SIK2: variants seen among roughly 807,000 people sequenced by gnomAD.
The protein encoded by SIK2 is salt inducible kinase 2.
A neutral mutation model predicts 103.2 loss-of-function variants in SIK2; 29 were observed. The ratio of observed to expected loss-of-function variants is 0.28; its 90% CI spans 0.21 to 0.38. The LOEUF (loss-of-function observed/expected upper bound fraction) is 0.38, where lower values mean the gene tolerates loss of function less well. Ranked by LOEUF, SIK2 falls within the 10% of genes least tolerant of loss-of-function variation. The pLI is 1.00. For synonymous variants in SIK2, 412 were observed against 446.1 expected, an observed-to-expected ratio of 0.92 and a Z score of 0.96; for missense variants, 879 against 1,171.0, an observed-to-expected ratio of 0.75 and a Z score of 3.64.
chr11:111,634,896 G>T (rs1248050295), intron 3 of SIK2, among the ~76,000 whole-genome samples: 4 of 152,220 alleles, frequency 2.6e-5, no homozygotes, highest in African/African-American at 9.6e-5. Flanking sequence ...AACATAGAAA[G>T]ATATTAAATT....
intron 3 of SIK2, among the ~76,000 whole-genome samples, chr11:111,637,997 A>G (rs1381042180): frequency 6.6e-6 from 1 of 152,248 alleles, no homozygotes; most frequent in Non-Finnish European, 1.5e-5. Context: ...CAGGGAACCA[A>G]GAAGCTAATT....
chr11:111,697,876 G>A (rs1943115288), intron 4 of SIK2, among the ~76,000 whole-genome samples: 1 of 152,138 alleles, frequency 6.6e-6, no homozygotes, highest in Non-Finnish European at 1.5e-5. Context: ...CAGGCATGGT[G>A]GCGTGAGTCT....
In SIK2 at chr11:111,722,786, G is replaced by C. The variant is rs1352961573; in HGVS notation, c.2147+30G>C. The C allele has an allele frequency of 1.9e-6, 3 of 1,603,074 alleles. No individual in the cohort carries two copies. The South Asian group carries it at 3.3e-5, about 18-fold the overall frequency. On this transcript the variant is annotated intron_variant, in intron 14 of 14. Transcript: ENST00000304987. The surrounding 1 kb of genome is among the most constrained non-coding windows in gnomAD (Gnocchi z 4.4). ...GAAGGGGACTTTGGCCAAAGAAGTTGCTTCCTTTTCTGGAAGCCTTGAGAA... is the reference window on the plus strand; with the variant it reads ...GAAGGGGACTTTGGCCAAAGAAGTTCCTTCCTTTTCTGGAAGCCTTGAGAA...
intron 3 of SIK2, among the ~76,000 whole-genome samples, chr11:111,657,930 A>T (rs1942414281): frequency 6.6e-6 from 1 of 152,180 alleles, no homozygotes; most frequent in South Asian, 2.1e-4. Context: ...ACTATACGTC[A>T]TGCAGGTTCA....
intron 3 of SIK2, among the ~76,000 whole-genome samples, chr11:111,633,956 A>G (rs572721334): frequency 4.4e-4 from 67 of 152,308 alleles, no homozygotes; most frequent in African/African-American, 1.4e-3. Flanking sequence ...CACTATTCCT[A>G]CATTCTTTAG....
At chr11:111,663,742 G>A (rs1018510351) in intron 3 of SIK2, among the ~76,000 whole-genome samples, 1 of 152,150 alleles carries the variant, frequency 6.6e-6, no homozygotes, top group Admixed American at 6.5e-5. Context: ...GTGGTAGGAA[G>A]CAAGAGCTTC....
At chr11:111,640,722 A>ACTATTTTTT (rs1942169825) in intron 3 of SIK2, among the ~76,000 whole-genome samples, 1 of 65,908 alleles carries the variant, frequency 1.5e-5, no homozygotes. Flanking sequence ...GAAACAGGCA[A>ACTATTTTTT]TTTTTTTTTT....
intron 3 of SIK2, among the ~76,000 whole-genome samples, chr11:111,620,613 A>G (rs1158309736): frequency 6.6e-6 from 1 of 152,148 alleles, no homozygotes; most frequent in Non-Finnish European, 1.5e-5. Flanking sequence ...TGTCATCTCT[A>G]TTAGAGACTG....
At chr11:111,630,440 C>CT in intron 3 of SIK2, among the ~76,000 whole-genome samples, 1 of 152,046 alleles carries the variant, frequency 6.6e-6, no homozygotes, top group Non-Finnish European at 1.5e-5. Flanking sequence ...AGTTAACCAT[C>CT]TAAGAGTTTG....
intron 3 of SIK2, among the ~76,000 whole-genome samples, chr11:111,655,880 T>C (rs1226046028): frequency 6.6e-6 from 1 of 152,052 alleles, no homozygotes; most frequent in Non-Finnish European, 1.5e-5. Context: ...ACTCTATCAA[T>C]GTTTATTAAG....
intron 4 of SIK2, among the ~76,000 whole-genome samples, chr11:111,693,947 G>A (rs570074336): frequency 5.5e-4 from 84 of 152,288 alleles, no homozygotes; most frequent in Non-Finnish European, 1.1e-3. Flanking sequence ...CCTTGACCAC[G>A]TTTCCTGACT....
chr11:111,713,835 C>T (rs1447013248), intron 9 of SIK2, among the ~76,000 whole-genome samples: 4 of 151,982 alleles, frequency 2.6e-5, no homozygotes, highest in Admixed American at 6.6e-5. Flanking sequence ...GGGGAGGTTG[C>T]GGGCGCCTGT....
rs1262467047 is a variant in SIK2 at position 111,730,127 on chromosome 11, C to A, written c.*5998C>A. ...ACTTTTAGGATTAAAAAAGTAATAA[C>A]AGACTTTGACTTAATACTCTGTCTT... On this transcript the variant is annotated 3_prime_UTR_variant, in exon 15 of 15. Coordinates refer to ENST00000304987, the MANE Select transcript of SIK2 (RefSeq NM_015191.3). The A allele has an allele frequency of 4.6e-5, 7 of 152,190 alleles. No homozygotes were observed. Among genetic ancestry groups the A allele is most frequent in the African/African-American group, 1.7e-4 (7 of 41,440 alleles). The allele number at this position is 152,190 out of a possible 1,614,324, so 9.4% of individuals were successfully genotyped here.
intron 1 of SIK2, among the ~76,000 whole-genome samples, chr11:111,615,096 G>C (rs1157744648): frequency 6.6e-6 from 1 of 151,290 alleles, no homozygotes; most frequent in Non-Finnish European, 1.5e-5. Context: ...CCAAGATCGT[G>C]CCACTGCACT....
chr11:111,720,960 G>C lies in SIK2; in HGVS notation c.1842G>C (p.Leu614Phe), dbSNP rs908337018. The change falls in exon 12 of 15, where the codon TTG (leucine) becomes TTC (phenylalanine). Residue 614 changes from leucine to phenylalanine, a missense_variant. Leu to Phe is a conservative substitution (Grantham distance 22). This residue lies in a region of SIK2 where 375 missense variants were observed against 416.3 expected (regional missense o/e 0.90). Coordinates refer to ENST00000304987, the MANE Select transcript of SIK2 (RefSeq NM_015191.3). Reference protein sequence around the residue: ...NLARTKGILELNKVQLLYEQI... With the variant: ...NLARTKGILEFNKVQLLYEQI... Reference sequence around the variant, plus strand: ...CTAGAACCAAAGGAATTCTAGAGTTGAACAAAGTGCAGTTGTTGTATGAAC... The same window carrying C: ...CTAGAACCAAAGGAATTCTAGAGTTCAACAAAGTGCAGTTGTTGTATGAAC... 6.8e-6 allele frequency: 11 copies of C among 1,614,138 alleles called. No individual in the cohort carries two copies. Among genetic ancestry groups the C allele is most frequent in the Non-Finnish European group, 9.3e-6 (11 of 1,180,028 alleles).
rs1944159112 is a variant in SIK2, at chr11:111,730,638, T to C, written c.*6509T>C. 6.6e-6 allele frequency: 1 copy of C among 152,148 alleles called. No homozygotes were observed. The highest frequency in any genetic ancestry group is 6.5e-5 in the Admixed American group (1 of 15,278). The allele number at this position is 152,148 out of a possible 1,614,324, so 9.4% of individuals were successfully genotyped here. A position where few individuals can be genotyped will look rare whatever the true frequency, so the allele number is the denominator to read the frequency against. On this transcript the variant is annotated 3_prime_UTR_variant, in exon 15 of 15. Coordinates refer to ENST00000304987, the MANE Select transcript of SIK2 (RefSeq NM_015191.3). ...AAAAAATTGGTGAGTTCAGTAGCTT[T>C]GGTATTATGAGTGCAAATCATAATA...
chr11:111,617,861 TAC>T (rs141114587), intron 2 of SIK2, among the ~76,000 whole-genome samples: 27 of 148,236 alleles, frequency 1.8e-4, no homozygotes, highest in African/African-American at 4.9e-4. Context: ...TATATATATA[TAC>T]ACACACACAC....
intron 11 of SIK2, 26 bp from the exon 12 acceptor site, chr11:111,720,873 T>C (rs759419734): frequency 1.8e-5 from 29 of 1,609,114 alleles, no homozygotes; most frequent in African/African-American, 2.7e-5. Context: ...TTAGTTAAAC[T>C]GTTTGGTCTT....
rs1944145161 is a variant in SIK2 at position 111,730,328 on chromosome 11, G to A, written c.*6199G>A. 1 of 152,220 alleles carries A rather than the reference G, an allele frequency of 6.6e-6. No homozygotes were observed. The highest frequency in any genetic ancestry group is 1.5e-5 in the Non-Finnish European group (1 of 68,052). 9.4% of individuals were successfully genotyped at this position (152,220 alleles called of 1,614,324 possible). On this transcript the variant is annotated 3_prime_UTR_variant, in exon 15 of 15. Transcript: ENST00000304987. ...GATTTGCTCAGTCAAGGAAATTCAA[G>A]TGGTGAGACCTTTCCACCATGGGTG...
Sources: gnomAD v4.1 joint callset for allele counts (sites outside exome capture counted in the v4.1 genomes callset) on GRCh38, gnomAD v4.1.1 for gene constraint, gnomAD v4.1.1 regional missense constraint, Gnocchi (gnomAD v3.1) non-coding constraint, MANE v1.5 for transcripts, NCBI Gene and HGNC (gene_info 2026-07-23, HGNC 2026-07-21) for gene names.